Variants in SEMA4C observed in about 807,000 individuals in gnomAD.
The protein encoded by SEMA4C is semaphorin-4C.
A neutral mutation model predicts 89.0 loss-of-function variants in SEMA4C; 19 were observed. That is an observed-to-expected ratio of 0.21 (90% CI 0.15 to 0.31). SEMA4C has a LOEUF of 0.31. Ranked by LOEUF, SEMA4C falls within the 10% of genes least tolerant of loss-of-function variation. The pLI, the probability that SEMA4C is intolerant of heterozygous loss-of-function variation, is 1.00. For missense variants in SEMA4C, 811 were observed against 1,107.0 expected (o/e 0.73, Z 3.79); for synonymous variants, 428 against 472.7 (o/e 0.91, Z 1.23).
upstream of SEMA4C, chr2:96,870,138 G>C: frequency 1.0e-6 from 1 of 975,598 alleles, no homozygotes. Flanking sequence ...GGGGTCGAGC[G>C]GAGGCCGGGG....
At position 96,861,682 on chromosome 2, in the gene SEMA4C, G is replaced by A; in HGVS notation, c.1602-33C>T. ...GGGATGTAGGGTACATCAGCAGCCT[G>A]GCTCCAACCACCCTGAGTCCCTGGA... On this transcript the variant is annotated intron_variant, in intron 13 of 14. Coordinates refer to ENST00000305476, the MANE Select transcript of SEMA4C (RefSeq NM_017789.5). This position sits in a 1 kb window ranked among gnomAD's most constrained non-coding sequence, Gnocchi z 7.8. The A allele has an allele frequency of 6.3e-7, 1 of 1,597,108 alleles. No homozygotes were observed. Among genetic ancestry groups the A allele is most frequent in the Non-Finnish European group, 8.6e-7 (1 of 1,169,074 alleles).
intron 2 of SEMA4C, among the ~76,000 whole-genome samples, chr2:96,867,460 G>A (rs1020689327): frequency 1.3e-5 from 2 of 152,198 alleles, no homozygotes; most frequent in Non-Finnish European, 2.9e-5. Flanking sequence ...AGGGGAGAGA[G>A]CCTCCAGTTT....
At chr2:96,868,599 T>C (rs1207194669) in intron 1 of SEMA4C, 2 of 985,286 alleles carry the variant, frequency 2.0e-6, no homozygotes, top group African/African-American at 1.7e-5. Flanking sequence ...AGGCAGGAAG[T>C]GGGTGGGATG....
chr2:96,870,196 C>T (rs2080173567), upstream of SEMA4C: 4 of 984,968 alleles, frequency 4.1e-6, no homozygotes, highest in South Asian at 1.4e-4. Context: ...CCGCAGCGAC[C>T]TGTGGACCCG....
At position 96,870,040 on chromosome 2, in the gene SEMA4C, G is replaced by T; in HGVS notation, c.-202C>A. On this transcript the variant is annotated 5_prime_UTR_variant, in exon 1 of 15. Coordinates refer to ENST00000305476, the MANE Select transcript of SEMA4C (RefSeq NM_017789.5). ...CGCCCGGCTCCGCGCCCCTAGGCTCGGGCTCCCCGCGCCACCACGGCGGGC... is the reference window on the plus strand; with the variant it reads ...CGCCCGGCTCCGCGCCCCTAGGCTCTGGCTCCCCGCGCCACCACGGCGGGC... 1 of 982,284 alleles carries T rather than the reference G, an allele frequency of 1.0e-6. No homozygotes were observed. Among genetic ancestry groups the T allele is most frequent in the Non-Finnish European group, 1.2e-6 (1 of 827,092 alleles). The allele number at this position is 982,284 out of a possible 1,614,324, so 60.8% of individuals were successfully genotyped here.
chr2:96,868,527 TG>T (rs2080133411), intron 1 of SEMA4C: 28 of 985,016 alleles, frequency 2.8e-5, no homozygotes, highest in Non-Finnish European at 3.4e-5. Flanking sequence ...AGGGCAGGAG[TG>T]TGAGAAGGGC....
At chr2:96,867,440 C>T (rs2080101598) in intron 2 of SEMA4C, among the ~76,000 whole-genome samples, 1 of 152,202 alleles carries the variant, frequency 6.6e-6, no homozygotes, top group South Asian at 2.1e-4. Context: ...TTAGGGGGGC[C>T]TGGGGAGCCA....
intron 1 of SEMA4C, chr2:96,868,267 T>G: frequency 2.3e-6 from 1 of 440,458 alleles, no homozygotes; most frequent in Non-Finnish European, 3.6e-6. Context: ...GCCTAAGAGG[T>G]TTGAGTTTCT....
intron 1 of SEMA4C, chr2:96,869,638 C>T: frequency 1.2e-5 from 12 of 985,262 alleles, no homozygotes; most frequent in Non-Finnish European, 1.4e-5. Context: ...GCTGGCGCGC[C>T]CCTCCGGCCC....
At position 96,870,048 on chromosome 2, in the gene SEMA4C, C is replaced by G. The variant is rs1372457643; in HGVS notation, c.-210G>C. ...TCCGCGCCCCTAGGCTCGGGCTCCCCGCGCCACCACGGCGGGCGCCGGCTC... is the reference window on the plus strand; with the variant it reads ...TCCGCGCCCCTAGGCTCGGGCTCCCGGCGCCACCACGGCGGGCGCCGGCTC... On this transcript the variant is annotated 5_prime_UTR_variant, in exon 1 of 15. Coordinates refer to ENST00000305476, the MANE Select transcript of SEMA4C (RefSeq NM_017789.5). The G allele has an allele frequency of 1.0e-6, 1 of 981,026 alleles. No homozygotes were observed. Among genetic ancestry groups the G allele is most frequent in the Non-Finnish European group, 1.2e-6 (1 of 825,750 alleles). The allele number at this position is 981,026 out of a possible 1,614,324, so 60.8% of individuals were successfully genotyped here. A position where few individuals can be genotyped will look rare whatever the true frequency, so the allele number is the denominator to read the frequency against.
At position 96,869,876 on chromosome 2, in the gene SEMA4C, C is replaced by G. The variant is rs889850232; in HGVS notation, c.-38G>C. ...CTCACGCAAGCCCGGCCTCGCTCACCTATTGCGCGCAGCTCCAGTCCCCGG... is the reference window on the plus strand; with the variant it reads ...CTCACGCAAGCCCGGCCTCGCTCACGTATTGCGCGCAGCTCCAGTCCCCGG... On this transcript the variant is annotated splice_region_variant and 5_prime_UTR_variant, in exon 1 of 15. Transcript: ENST00000305476. 1.0e-6 allele frequency: 1 copy of G among 985,806 alleles called. No homozygotes were observed. Among genetic ancestry groups the G allele is most frequent in the Non-Finnish European group, 1.2e-6 (1 of 830,164 alleles). 61.1% of individuals were successfully genotyped at this position (985,806 alleles called of 1,614,324 possible).
rs2153360796 is a variant in SEMA4C at position 96,859,955 on chromosome 2, T to C, written c.*671A>G. ...GAAGAAGGCAAGTATAAAATACCAC[T>C]GAACCCCGGGGCCAAGTGGGAGGCC... is the stretch of plus-strand genomic sequence containing the variant. On this transcript the variant is annotated 3_prime_UTR_variant, in exon 15 of 15. Transcript: ENST00000305476. The C allele has an allele frequency of 6.6e-6, 1 of 151,802 alleles. No homozygotes were observed. Among genetic ancestry groups the C allele is most frequent in the South Asian group, 2.1e-4 (1 of 4,788 alleles). The allele number at this position is 151,802 out of a possible 1,614,324, so 9.4% of individuals were successfully genotyped here. A position where few individuals can be genotyped will look rare whatever the true frequency, so the allele number is the denominator to read the frequency against.
intron 1 of SEMA4C, 50 bp from the exon 2 acceptor site, chr2:96,867,973 C>A: frequency 1.3e-6 from 2 of 1,598,466 alleles, no homozygotes; most frequent in Non-Finnish European, 1.7e-6. Flanking sequence ...GAAAGCAAAC[C>A]AGAGGGGCCC....
upstream of SEMA4C, chr2:96,870,585 G>T: frequency 1.0e-6 from 1 of 985,446 alleles, no homozygotes; most frequent in Non-Finnish European, 1.2e-6. Flanking sequence ...TCTAGGCCCC[G>T]AGGACCACTG....
In SEMA4C at chr2:96,869,912, C is replaced by T. The variant is rs962498527; in HGVS notation, c.-74G>A. 2.7e-4 allele frequency: 263 copies of T among 986,208 alleles called. No individual in the cohort carries two copies. The highest frequency in any genetic ancestry group is 1.4e-3 in the Admixed American group (23 of 16,264). 61.1% of individuals were successfully genotyped at this position (986,208 alleles called of 1,614,324 possible). A position where few individuals can be genotyped will look rare whatever the true frequency, so the allele number is the denominator to read the frequency against. ...AGCTCCAGTCCCCGGGCGCCGCCCT[C>T]GCGTTCGGCTCTGACCGCCGTCCAC... On this transcript the variant is annotated 5_prime_UTR_variant, in exon 1 of 15. Transcript: ENST00000305476.
intron 1 of SEMA4C, chr2:96,868,943 A>G (rs1024378304): frequency 1.0e-6 from 1 of 985,250 alleles, no homozygotes; most frequent in African/African-American, 1.7e-5. Flanking sequence ...GCGGAGACGC[A>G]GAAGCTGGGG....
At chr2:96,868,283 G>A in intron 1 of SEMA4C, 1 of 482,028 alleles carries the variant, frequency 2.1e-6, no homozygotes, top group Non-Finnish European at 3.1e-6. Context: ...TTTCTTGAAA[G>A]AACCTCAGGC....
intron 2 of SEMA4C, among the ~76,000 whole-genome samples, chr2:96,867,356 T>G (rs549379861): frequency 6.6e-6 from 1 of 152,094 alleles, no homozygotes; most frequent in Non-Finnish European, 1.5e-5. Flanking sequence ...CCGGCAACCA[T>G]GCGAGCATGT....
intron 2 of SEMA4C, among the ~76,000 whole-genome samples, chr2:96,867,176 C>G (rs2080092735): frequency 6.6e-6 from 1 of 152,186 alleles, no homozygotes; most frequent in African/African-American, 2.4e-5. Context: ...TTGCAGGCAA[C>G]AATGGATCCA....
Sources: allele counts gnomAD v4.1 joint callset (sites outside exome capture counted in the v4.1 genomes callset), GRCh38; gene constraint gnomAD v4.1.1; non-coding constraint Gnocchi (gnomAD v3.1); transcripts MANE v1.5; gene names NCBI Gene and HGNC (gene_info 2026-07-23, HGNC 2026-07-21).